The following DZIP3 variants were observed in gnomAD, a reference collection of about 807,000 sequenced individuals.
The protein encoded by DZIP3 is E3 ubiquitin-protein ligase DZIP3.
Under a neutral mutation model 162.0 loss-of-function variants are expected in DZIP3, and 118 were observed. That is an observed-to-expected ratio of 0.73 (90% CI 0.63 to 0.85). The LOEUF is 0.85. Among genes scored for constraint, DZIP3 ranks in the 40% least tolerant of loss-of-function variants. The probability of loss-of-function intolerance (pLI) is 0.00; values close to 1 mark genes in which losing one functional copy is unlikely to be tolerated. For synonymous variants in DZIP3, 438 were observed against 458.6 expected (o/e 0.96, Z 0.57); for missense variants, 1,331 against 1,407.0 (o/e 0.95, Z 0.86).
At chr3:108,629,498 T>C (rs1941730857) in intron 8 of DZIP3, among the ~76,000 whole-genome samples, 1 of 152,130 alleles carries the variant, frequency 6.6e-6, no homozygotes, top group Non-Finnish European at 1.5e-5. Flanking sequence ...TACAAAGTAC[T>C]AAATGCTTAG....
Position 108,688,050 on chromosome 3 carries a change from A to G in DZIP3, c.3224A>G (p.Glu1075Gly), listed in dbSNP as rs1482404131. The G allele has an allele frequency of 6.2e-7, 1 of 1,613,720 alleles. No homozygotes were observed. The highest frequency in any genetic ancestry group is 1.1e-5 in the South Asian group (1 of 91,064). ...TCCTTGTCTGAACTGACATTTGATG[A>G]AATTGTTTGCAAGATTTCCCAGTTT... ...GKSLSELTFD[E>G]IVCKISQFID... The change falls in exon 29 of 33, where the codon GAA (glutamate) becomes GGA (glycine). Residue 1075 changes from glutamate to glycine, a missense_variant. This residue lies in a region of DZIP3 where 1,278 missense variants were observed against 1,317.1 expected (regional missense o/e 0.97). Transcript: ENST00000361582.
intron 24 of DZIP3, among the ~76,000 whole-genome samples, chr3:108,675,155 CT>C (rs1398340906): frequency 4.0e-5 from 6 of 151,718 alleles, no homozygotes; most frequent in Non-Finnish European, 7.4e-5. Flanking sequence ...TATGAAATCT[CT>C]TTTCTAGAGA....
chr3:108,605,280 TG>T, intron 1 of DZIP3, 54 bp from the exon 2 acceptor site: 2 of 1,230,250 alleles, frequency 1.6e-6, no homozygotes, highest in Non-Finnish European at 2.3e-6. Flanking sequence ...GTTTTCATAG[TG>T]GGGAGAAAGA....
rs373029113 is a variant in DZIP3, at chr3:108,661,866, G to A, written c.2200-11G>A. 1.9e-6 allele frequency: 3 copies of A among 1,605,554 alleles called. No homozygotes were observed. The African/African-American group carries it at 4.0e-5, about 22-fold the overall frequency. ...GGAAAATAATACATGCATATTTCCT[G>A]TGCTCAATAGGGCTCAGCTGGCAAA... is the stretch of plus-strand genomic sequence containing the variant. On this transcript the variant is annotated splice_polypyrimidine_tract_variant and intron_variant, in intron 19 of 32. Coordinates refer to ENST00000361582, the MANE Select transcript of DZIP3 (RefSeq NM_014648.4).
chr3:108,669,635 A>G, intron 21 of DZIP3, 46 bp from the exon 22 acceptor site: 1 of 1,565,542 alleles, frequency 6.4e-7, no homozygotes, highest in Non-Finnish European at 8.8e-7. Context: ...TGTGTTAATG[A>G]GAAATAATTT....
At chr3:108,657,055 A>G (rs1387354046) in intron 19 of DZIP3, among the ~76,000 whole-genome samples, 1 of 152,208 alleles carries the variant, frequency 6.6e-6, no homozygotes, top group Admixed American at 6.5e-5. Context: ...GTTGGAAAAC[A>G]CTCTGCAGGA....
intron 9 of DZIP3, 79 bp downstream of exon 9, chr3:108,633,151 A>ATTTTATTATGTATAAATTT (rs1187073700): frequency 3.1e-6 from 2 of 636,774 alleles, no homozygotes; most frequent in Non-Finnish European, 2.1e-6. Context: ...AATAAAAATT[A>ATTTTATTATGTATAAATTT]TATTATGTAT....
At chr3:108,658,796 T>C (rs1174291386) in intron 19 of DZIP3, among the ~76,000 whole-genome samples, 2 of 152,014 alleles carry the variant, frequency 1.3e-5, no homozygotes, top group African/African-American at 2.4e-5. Flanking sequence ...CAATAAAAAA[T>C]GATAAAGGGG....
chr3:108,658,033 T>G (rs996540943), intron 19 of DZIP3, among the ~76,000 whole-genome samples: 2 of 126,870 alleles, frequency 1.6e-5, no homozygotes, highest in Non-Finnish European at 1.9e-5. Flanking sequence ...TCCCACACAA[T>G]AATCATGGGA....
intron 14 of DZIP3, 23 bp downstream of exon 14, chr3:108,644,804 A>G: frequency 6.3e-7 from 1 of 1,579,784 alleles, no homozygotes; most frequent in Non-Finnish European, 8.6e-7. Context: ...TATTTACTTC[A>G]GCCAATAAAC....
In DZIP3 at chr3:108,590,328, A is replaced by G. The variant is rs561994126; in HGVS notation, c.-73+489A>G. ...TGTAGAAATTGTAAGAATAGGGTACATTTCCATTTAATTAAATCGTTTATC... is the reference window on the plus strand; with the variant it reads ...TGTAGAAATTGTAAGAATAGGGTACGTTTCCATTTAATTAAATCGTTTATC... On this transcript the variant is annotated intron_variant, in intron 1 of 32. Coordinates refer to ENST00000361582, the MANE Select transcript of DZIP3 (RefSeq NM_014648.4). Among the ~76,000 whole-genome samples the G allele has an allele frequency of 2.0e-5, 3 of 152,338 alleles. No homozygotes were observed. The East Asian group carries it at 5.8e-4, about 29-fold the overall frequency.
rs1395374823 is a variant in DZIP3 at position 108,694,133 on chromosome 3, C to T, written c.*780C>T. The stretch of plus-strand genomic sequence containing the variant: ...TTTCCTGACTCAGAAACAATTTTGC[C>T]TCCATATTTCAGTGCAAATATATTT... On this transcript the variant is annotated 3_prime_UTR_variant, in exon 33 of 33. Transcript: ENST00000361582. The T allele has an allele frequency of 6.6e-6, 1 of 151,986 alleles. No homozygotes were observed. The highest frequency in any genetic ancestry group is 1.9e-4 in the East Asian group (1 of 5,188). The allele number at this position is 151,986 out of a possible 1,614,324, so 9.4% of individuals were successfully genotyped here. A position where few individuals can be genotyped will look rare whatever the true frequency, so the allele number is the denominator to read the frequency against.
At chr3:108,689,086 A>G (rs761564629) in intron 31 of DZIP3, among the ~76,000 whole-genome samples, 162 bp downstream of exon 31, 27 of 152,166 alleles carry the variant, frequency 1.8e-4, no homozygotes, top group Non-Finnish European at 1.3e-4. Context: ...TTTCCCATAC[A>G]TAGCCATGGA....
chr3:108,665,984 A>G (rs1170579097), intron 21 of DZIP3, among the ~76,000 whole-genome samples: 1 of 152,174 alleles, frequency 6.6e-6, no homozygotes, highest in Non-Finnish European at 1.5e-5. Context: ...TAAACTTTAA[A>G]AATATATATA....
chr3:108,654,341 C>G (rs1283568931), intron 19 of DZIP3, 31 bp downstream of exon 19: 1 of 1,611,844 alleles, frequency 6.2e-7, no homozygotes, highest in South Asian at 1.1e-5. Context: ...TGCCTGCCTT[C>G]TCTTATTGTT....
chr3:108,684,415 T>G, intron 27 of DZIP3, 74 bp downstream of exon 27: 1 of 1,496,808 alleles, frequency 6.7e-7, no homozygotes, highest in Non-Finnish European at 9.0e-7. Context: ...AATGAGTATC[T>G]TCATTTTGTT....
chr3:108,609,923 C>T (rs185303275), intron 3 of DZIP3, among the ~76,000 whole-genome samples: 22 of 152,094 alleles, frequency 1.4e-4, no homozygotes, highest in East Asian at 5.8e-4. Context: ...AATTAGTATC[C>T]GATGATTCTA....
chr3:108,593,681 T>C (rs1045241163), intron 1 of DZIP3, among the ~76,000 whole-genome samples: 9 of 150,892 alleles, frequency 6.0e-5, no homozygotes, highest in East Asian at 5.8e-4. Flanking sequence ...TCTTTCTTTT[T>C]TTTTTTTTTT....
intron 32 of DZIP3, among the ~76,000 whole-genome samples, chr3:108,692,435 C>G (rs908623500): frequency 2.0e-5 from 3 of 152,138 alleles, no homozygotes; most frequent in Non-Finnish European, 4.4e-5. Context: ...CAGAAAGGGA[C>G]AGTTCATATG....
Sources: allele counts gnomAD v4.1 joint callset (sites outside exome capture counted in the v4.1 genomes callset), GRCh38; gene constraint gnomAD v4.1.1; regional missense constraint gnomAD v4.1.1; transcripts MANE v1.5; gene names NCBI Gene and HGNC (gene_info 2026-07-23, HGNC 2026-07-21).